The following TENM2 variants were observed in gnomAD, a reference collection of about 807,000 sequenced individuals.
TENM2 encodes teneurin transmembrane protein 2, also known as teneurin-2.
In TENM2, 52 loss-of-function variants were observed where a neutral mutation model predicts 245.2. The ratio of observed to expected loss-of-function variants is 0.21; its 90% CI spans 0.17 to 0.27. The LOEUF (loss-of-function observed/expected upper bound fraction) is 0.27, where lower values mean the gene tolerates loss of function less well. TENM2 is among the 10% of genes least tolerant of loss of function. The pLI is 1.00. For missense variants in TENM2, 3,046 were observed against 3,666.8 expected, an observed-to-expected ratio of 0.83 and a Z score of 4.37; for synonymous variants, 1,363 against 1,438.9, an observed-to-expected ratio of 0.95 and a Z score of 1.19.
intron 9 of TENM2, among the ~76,000 whole-genome samples, chr5:168,114,567 G>C (rs1562175896): frequency 6.6e-6 from 1 of 152,202 alleles, no homozygotes; most frequent in East Asian, 1.9e-4. Flanking sequence ...GCCCCAGAGG[G>C]AAGGTGCTCT....
the TENM2 span, among the ~76,000 whole-genome samples, chr5:167,010,374 A>T: frequency 1.1e-4 from 17 of 151,748 alleles, no homozygotes; most frequent in Non-Finnish European, 1.8e-4. Flanking sequence ...CAAGAGCAAA[A>T]CTCTGTCTCA....
intron 5 of TENM2, among the ~76,000 whole-genome samples, chr5:168,025,905 G>C (rs1315432988): frequency 1.3e-5 from 2 of 152,190 alleles, no homozygotes; most frequent in Non-Finnish European, 2.9e-5. Flanking sequence ...AAGTCTCTCT[G>C]TGTGGGAGAG....
chr5:167,787,888 G>A (rs1260720271), intron 2 of TENM2, among the ~76,000 whole-genome samples: 4 of 152,348 alleles, frequency 2.6e-5, no homozygotes, highest in Non-Finnish European at 5.9e-5. Flanking sequence ...CACCGCTGTG[G>A]TAGAGCTGAG....
intron 2 of TENM2, among the ~76,000 whole-genome samples, chr5:167,870,569 A>G (rs370993983): frequency 8.0e-4 from 114 of 142,426 alleles, no homozygotes; most frequent in Middle Eastern, 7.4e-3. Context: ...ATATATATAT[A>G]TGTGTGTGTA....
intron 12 of TENM2, among the ~76,000 whole-genome samples, chr5:168,134,709 T>G (rs1015293020): frequency 6.6e-6 from 1 of 152,104 alleles, no homozygotes; most frequent in Admixed American, 6.6e-5. Context: ...AAATTCTCAT[T>G]AGACATTTCT....
chr5:167,481,359 T>A (rs754001943), intron 2 of TENM2, among the ~76,000 whole-genome samples: 30 of 152,352 alleles, frequency 2.0e-4, no homozygotes, highest in Middle Eastern at 6.8e-3. Context: ...TTTATATTTT[T>A]AAATAGCTGA....
intron 6 of TENM2, among the ~76,000 whole-genome samples, chr5:168,059,924 C>G (rs887634179): frequency 1.3e-5 from 2 of 152,078 alleles, no homozygotes; most frequent in Admixed American, 1.3e-4. Context: ...AAATAGTGTC[C>G]CATCTATACA....
chr5:167,639,468 T>C (rs1379746951), intron 2 of TENM2, among the ~76,000 whole-genome samples: 1 of 152,220 alleles, frequency 6.6e-6, no homozygotes, highest in Non-Finnish European at 1.5e-5. Context: ...CTTTGTCTCT[T>C]ACCACTTGCT....
At chr5:167,239,258 G>A in the TENM2 span, among the ~76,000 whole-genome samples, 1 of 152,150 alleles carries the variant, frequency 6.6e-6, no homozygotes, top group Non-Finnish European at 1.5e-5. Context: ...TTGACCTTCT[G>A]TAGACTGATG....
intron 2 of TENM2, among the ~76,000 whole-genome samples, chr5:167,802,999 T>G (rs10045595): frequency 0.36 from 54,238 of 151,998 alleles, 10,452 homozygotes; most frequent in East Asian, 0.53. Context: ...GTTGCTGACT[T>G]CAGGTAGATA....
At chr5:167,139,109 G>A in the TENM2 span, among the ~76,000 whole-genome samples, 1 of 152,120 alleles carries the variant, frequency 6.6e-6, no homozygotes, top group African/African-American at 2.4e-5. Context: ...TCATTTTCTT[G>A]GTCACAATTG....
chr5:167,102,360 T>C, the TENM2 span, among the ~76,000 whole-genome samples: 1 of 152,198 alleles, frequency 6.6e-6, no homozygotes. Context: ...CTAATAAATG[T>C]TCTCATTTAT....
intron 12 of TENM2, among the ~76,000 whole-genome samples, chr5:168,160,619 G>A (rs1213440499): frequency 1.3e-5 from 2 of 152,166 alleles, no homozygotes; most frequent in African/African-American, 2.4e-5. Flanking sequence ...CCACCTTCTG[G>A]AAAGGATGAG....
chr5:168,041,249 T>C (rs1192850095), intron 5 of TENM2, among the ~76,000 whole-genome samples: 3 of 152,192 alleles, frequency 2.0e-5, no homozygotes, highest in Non-Finnish European at 2.9e-5. Flanking sequence ...TCTCTTAACC[T>C]CTCTAAGCTC....
At chr5:167,124,250 A>G in the TENM2 span, among the ~76,000 whole-genome samples, 1 of 152,374 alleles carries the variant, frequency 6.6e-6, no homozygotes, top group Non-Finnish European at 1.5e-5. Flanking sequence ...AACAGAAACC[A>G]TAAAAGTTTT....
At chr5:167,423,325 T>G (rs569432536) in intron 2 of TENM2, among the ~76,000 whole-genome samples, 9 of 152,288 alleles carry the variant, frequency 5.9e-5, no homozygotes, top group African/African-American at 2.2e-4. Flanking sequence ...GTTTGAGCAC[T>G]TGTCAGTATA....
chr5:167,097,507 A>G, the TENM2 span, among the ~76,000 whole-genome samples: 1 of 151,852 alleles, frequency 6.6e-6, no homozygotes, highest in Non-Finnish European at 1.5e-5. Context: ...ATCTCCGGGC[A>G]CTCGCCTGCA....
chr5:167,743,540 C>T (rs1320191225), intron 2 of TENM2, among the ~76,000 whole-genome samples: 1 of 152,098 alleles, frequency 6.6e-6, no homozygotes, highest in East Asian at 1.9e-4. Context: ...TCTTTTTCTT[C>T]CCTGTGTTTG....
At chr5:167,291,320 T>C (rs969336696) in intron 1 of TENM2, among the ~76,000 whole-genome samples, 11 of 152,212 alleles carry the variant, frequency 7.2e-5, no homozygotes, top group Non-Finnish European at 1.3e-4. Context: ...GTATCCCAGT[T>C]CAAATTAGCT....
Sources: gnomAD v4.1 joint callset for allele counts (sites outside exome capture counted in the v4.1 genomes callset) on GRCh38, gnomAD v4.1.1 for gene constraint, MANE v1.5 for transcripts, NCBI Gene and HGNC (gene_info 2026-07-23, HGNC 2026-07-21) for gene names.